RSPO3: variants seen among roughly 807,000 people sequenced by gnomAD.
RSPO3 encodes R-spondin-3.
RSPO3 carries 17 observed loss-of-function variants against 36.5 expected under a neutral mutation model. The observed-to-expected ratio is 0.47, with a 90% confidence interval of 0.32 to 0.70. RSPO3 has a LOEUF of 0.70. RSPO3 is among the 30% of genes least tolerant of loss of function. RSPO3 has a pLI of 0.04. For missense variants in RSPO3, 294 were observed against 322.5 expected, an observed-to-expected ratio of 0.91 and a Z score of 0.68; for synonymous variants, 108 against 107.0, an observed-to-expected ratio of 1.01 and a Z score of -0.06.
intron 4 of RSPO3, among the ~76,000 whole-genome samples, chr6:127,183,078 T>C (rs957948098): frequency 3.9e-5 from 6 of 151,972 alleles, no homozygotes; most frequent in Non-Finnish European, 8.8e-5. Flanking sequence ...GCAAAAACTT[T>C]TTGGTAGACC....
At chr6:127,172,213 AAT>A (rs879578347) in intron 4 of RSPO3, among the ~76,000 whole-genome samples, 56 of 140,294 alleles carry the variant, frequency 4.0e-4, no homozygotes, top group Admixed American at 2.4e-3. Context: ...TACAGATATA[AAT>A]ATATATATAT....
chr6:127,197,320 C>G lies in RSPO3; in HGVS notation c.*1313C>G. ...CTCCCTAGCTGATTTCACTGCTCCCCCTTCATTGCTTAGAAATGGGCATCA... is the reference window on the plus strand; with the variant it reads ...CTCCCTAGCTGATTTCACTGCTCCCGCTTCATTGCTTAGAAATGGGCATCA... On this transcript the variant is annotated 3_prime_UTR_variant, in exon 5 of 5. Coordinates refer to ENST00000356698, the MANE Select transcript of RSPO3 (RefSeq NM_032784.5). 1.4e-6 allele frequency: 2 copies of G among 1,428,228 alleles called. No homozygotes were observed. The highest frequency in any genetic ancestry group is 4.4e-5 in the Admixed American group (2 of 45,328). 88.5% of individuals were successfully genotyped at this position (1,428,228 alleles called of 1,614,324 possible).
intron 4 of RSPO3, among the ~76,000 whole-genome samples, chr6:127,174,123 G>A (rs185626267): frequency 6.6e-6 from 1 of 151,892 alleles, no homozygotes; most frequent in East Asian, 1.9e-4. Flanking sequence ...TACCTTGCTC[G>A]TGGCAAAGGC....
At chr6:127,193,662 TG>T (rs1775458573) in intron 4 of RSPO3, among the ~76,000 whole-genome samples, 1 of 152,198 alleles carries the variant, frequency 6.6e-6, no homozygotes, top group Non-Finnish European at 1.5e-5. Context: ...TATTTTTCTC[TG>T]TTTGTACAGT....
intron 1 of RSPO3, among the ~76,000 whole-genome samples, chr6:127,125,850 C>A (rs753546660): frequency 3.3e-5 from 5 of 152,108 alleles, no homozygotes; most frequent in African/African-American, 4.8e-5. Flanking sequence ...ACTCAAGGGT[C>A]ACTTCAGAGC....
chr6:127,133,418 T>C (rs1774094324), intron 1 of RSPO3, among the ~76,000 whole-genome samples: 1 of 152,136 alleles, frequency 6.6e-6, no homozygotes, highest in South Asian at 2.1e-4. Flanking sequence ...GGCAGGGACA[T>C]TGATTTTAAT....
chr6:127,126,631 G>C (rs1468186705), intron 1 of RSPO3, among the ~76,000 whole-genome samples: 1 of 152,096 alleles, frequency 6.6e-6, no homozygotes, highest in East Asian at 1.9e-4. Flanking sequence ...TGAAAGGCAA[G>C]TTTACATAAG....
In RSPO3 at chr6:127,135,618, A is replaced by G. The variant is rs186548027; in HGVS notation, c.98-13030A>G. Among the ~76,000 whole-genome samples, 22 of 151,736 alleles carry G rather than the reference A, an allele frequency of 1.4e-4. No homozygotes were observed. The East Asian group carries it at 4.1e-3, about 28-fold the overall frequency. The stretch of plus-strand genomic sequence containing the variant: ...CTGATTGTAGCATCTTCATGGCGCC[A>G]TTTGCTGCAACAGAAAAGCACATGT... On this transcript the variant is annotated intron_variant, in intron 1 of 4. Transcript: ENST00000356698.
intron 4 of RSPO3, among the ~76,000 whole-genome samples, chr6:127,186,749 G>A (rs181641578): frequency 2.0e-5 from 3 of 151,984 alleles, no homozygotes; most frequent in East Asian, 3.9e-4. Context: ...CTAATTTATC[G>A]CAAATAATGT....
intron 4 of RSPO3, among the ~76,000 whole-genome samples, chr6:127,162,081 T>A (rs976546337): frequency 6.6e-6 from 1 of 152,144 alleles, no homozygotes; most frequent in South Asian, 2.1e-4. Flanking sequence ...ATCATCAAGA[T>A]GGCAAGAGGT....
chr6:127,136,794 C>T (rs762865161), intron 1 of RSPO3, among the ~76,000 whole-genome samples: 6 of 152,084 alleles, frequency 3.9e-5, no homozygotes, highest in Non-Finnish European at 7.3e-5. Context: ...CCCTGAAGTT[C>T]CTACTATTAG....
intron 4 of RSPO3, among the ~76,000 whole-genome samples, chr6:127,173,554 G>A (rs1164302188): frequency 1.3e-5 from 2 of 151,762 alleles, no homozygotes; most frequent in Non-Finnish European, 2.9e-5. Flanking sequence ...TAAAAAAAAT[G>A]TATTTCAAAG....
At chr6:127,120,135 C>A (rs1773812865) in intron 1 of RSPO3, among the ~76,000 whole-genome samples, 1 of 152,176 alleles carries the variant, frequency 6.6e-6, no homozygotes, top group Non-Finnish European at 1.5e-5. Flanking sequence ...ATTGTGATGG[C>A]TTCTTAAGAC....
chr6:127,163,079 T>C (rs1774742168), intron 4 of RSPO3, among the ~76,000 whole-genome samples: 1 of 152,118 alleles, frequency 6.6e-6, no homozygotes, highest in South Asian at 2.1e-4. Flanking sequence ...CTGAGATCCC[T>C]GCCAATTAGG....
At position 127,119,161 on chromosome 6, in the gene RSPO3, G is replaced by A; in HGVS notation, c.-32G>A. Reference sequence around the variant, plus strand: ...ATATAATTAACAATCAAAAGAAAGAGGAGAAAGGAAGGGAAGCATTACTGG... The same window carrying A: ...ATATAATTAACAATCAAAAGAAAGAAGAGAAAGGAAGGGAAGCATTACTGG... On this transcript the variant is annotated 5_prime_UTR_variant, in exon 1 of 5. Coordinates refer to ENST00000356698, the MANE Select transcript of RSPO3 (RefSeq NM_032784.5). 2 of 1,438,786 alleles carry A rather than the reference G, an allele frequency of 1.4e-6. No homozygotes were observed. Among genetic ancestry groups the A allele is most frequent in the Non-Finnish European group, 2.0e-6 (2 of 1,024,806 alleles). The allele number at this position is 1,438,786 out of a possible 1,614,324, so 89.1% of individuals were successfully genotyped here.
intron 1 of RSPO3, among the ~76,000 whole-genome samples, chr6:127,136,199 A>G (rs547317437): frequency 2.6e-5 from 4 of 152,260 alleles, no homozygotes; most frequent in African/African-American, 9.6e-5. Flanking sequence ...TCCTCTGCCA[A>G]TCTGATTTCT....
chr6:127,163,242 TCTC>T (rs1562248393), intron 4 of RSPO3, among the ~76,000 whole-genome samples: 1 of 152,124 alleles, frequency 6.6e-6, no homozygotes, highest in African/African-American at 2.4e-5. Flanking sequence ...ATGCTCCTGT[TCTC>T]CTTCCCATCT....
chr6:127,125,935 A>C (rs2114538957), intron 1 of RSPO3, among the ~76,000 whole-genome samples: 1 of 152,240 alleles, frequency 6.6e-6, no homozygotes, highest in African/African-American at 2.4e-5. Context: ...TCCAGGTTTA[A>C]GAAAATAAGG....
At chr6:127,167,584 T>C (rs779317971) in intron 4 of RSPO3, among the ~76,000 whole-genome samples, 2 of 151,904 alleles carry the variant, frequency 1.3e-5, no homozygotes, top group Non-Finnish European at 2.9e-5. Flanking sequence ...AGTGAACATA[T>C]GAATGCATGT....
Sources: gnomAD v4.1 joint callset for allele counts (sites outside exome capture counted in the v4.1 genomes callset) on GRCh38, gnomAD v4.1.1 for gene constraint, MANE v1.5 for transcripts, NCBI Gene and HGNC (gene_info 2026-07-23, HGNC 2026-07-21) for gene names.